ANXA8: variants seen among roughly 807,000 people sequenced by gnomAD.
ANXA8 encodes annexin A8.
A neutral mutation model predicts 26.8 loss-of-function variants in ANXA8; 9 were observed. The observed-to-expected ratio is 0.34, with a 90% CI of 0.20 to 0.59. The LOEUF is 0.59. Ranked by LOEUF, ANXA8 falls within the 20% of genes least tolerant of loss-of-function variation. The probability of loss-of-function intolerance (pLI) is 0.84; values close to 1 mark genes in which losing one functional copy is unlikely to be tolerated. For missense variants in ANXA8, 83 were observed against 238.5 expected (o/e 0.35, Z 4.29); for synonymous variants, 39 against 94.8 (o/e 0.41, Z 3.42).
At chr10:47,693,075 T>C in the ANXA8 span, among the ~76,000 whole-genome samples, 2 of 151,738 alleles carry the variant, frequency 1.3e-5, no homozygotes, top group African/African-American at 4.8e-5. Context: ...TTGTGTTACG[T>C]GTTCTTTGTT....
chr10:47,521,256 C>G, the ANXA8 span, among the ~76,000 whole-genome samples: 1 of 136,212 alleles, frequency 7.3e-6, no homozygotes. Context: ...TACCCATCTA[C>G]TAACTGGTGT....
At chr10:47,528,337 C>T in the ANXA8 span, among the ~76,000 whole-genome samples, 6 of 139,054 alleles carry the variant, frequency 4.3e-5, 2 homozygotes, top group African/African-American at 1.6e-4. Flanking sequence ...TCTCGGCCTC[C>T]CAAAGTCTGG....
At chr10:47,974,193 C>T in the ANXA8 span, among the ~76,000 whole-genome samples, 1 of 150,166 alleles carries the variant, frequency 6.7e-6, no homozygotes, top group Non-Finnish European at 1.5e-5. Flanking sequence ...ATTTAGGTGA[C>T]TTAGTCTGCT....
At position 47,484,001 on chromosome 10, in the gene ANXA8, C is replaced by A. The variant is rs2132439392; in HGVS notation, c.-68G>T. 6.2e-7 allele frequency: 1 copy of A among 1,611,654 alleles called. No individual in the cohort carries two copies. The highest frequency in any genetic ancestry group is 2.2e-5 in the East Asian group (1 of 44,876). ...CACAGGTTGGCCTCTGCTGGGACTC[C>A]ACACGTCTGGCTCCTGCAGCTGAGG... On this transcript the variant is annotated 5_prime_UTR_variant, in exon 1 of 12. Transcript: ENST00000585281.
the ANXA8 span, chr10:47,590,240 G>A: frequency 6.8e-6 from 1 of 146,418 alleles, no homozygotes; most frequent in East Asian, 1.9e-4. Context: ...AGGGTGAAGT[G>A]CCAATCCTTT....
At chr10:47,625,862 G>T in the ANXA8 span, among the ~76,000 whole-genome samples, 17 of 150,792 alleles carry the variant, frequency 1.1e-4, no homozygotes, top group Admixed American at 2.0e-4. Flanking sequence ...TCTTTTGACC[G>T]ACATCTCTGC....
the ANXA8 span, among the ~76,000 whole-genome samples, chr10:47,692,891 T>C: frequency 1.6e-3 from 237 of 150,698 alleles, 1 homozygote; most frequent in Admixed American, 2.4e-3. Flanking sequence ...CAAGCCACCA[T>C]GCCTGGCTAA....
At chr10:47,667,623 C>A in the ANXA8 span, among the ~76,000 whole-genome samples, 69 of 152,006 alleles carry the variant, frequency 4.5e-4, 1 homozygote, top group African/African-American at 1.6e-3. Flanking sequence ...GATCTTGGCG[C>A]ACTGCAACAA....
chr10:47,673,628 T>C, the ANXA8 span, among the ~76,000 whole-genome samples: 1 of 151,770 alleles, frequency 6.6e-6, no homozygotes, highest in Non-Finnish European at 1.5e-5. Flanking sequence ...ACCGTGGCGC[T>C]TAATGCAGAG....
At chr10:47,745,221 T>TCC in the ANXA8 span, among the ~76,000 whole-genome samples, 1 of 148,026 alleles carries the variant, frequency 6.8e-6, no homozygotes, top group Non-Finnish European at 1.5e-5. Context: ...TACTTCGAGG[T>TCC]CCCCTTCTAC....
the ANXA8 span, among the ~76,000 whole-genome samples, chr10:47,755,550 C>G: frequency 2.2e-5 from 3 of 138,656 alleles, no homozygotes; most frequent in Non-Finnish European, 4.6e-5. Context: ...CCACCGTGCC[C>G]GGCCCTTTTT....
chr10:47,899,119 C>T, the ANXA8 span, among the ~76,000 whole-genome samples: 889 of 150,930 alleles, frequency 5.9e-3, 1 homozygote, highest in African/African-American at 0.02. Flanking sequence ...ATTACAGGCA[C>T]GAGCCATTGT....
chr10:47,685,759 T>C, the ANXA8 span, among the ~76,000 whole-genome samples: 2 of 148,500 alleles, frequency 1.3e-5, no homozygotes, highest in East Asian at 3.9e-4. Flanking sequence ...TAGGAAAGAG[T>C]AATGTTCTAG....
chr10:47,946,453 G>A, the ANXA8 span, among the ~76,000 whole-genome samples: 1 of 150,462 alleles, frequency 6.6e-6, no homozygotes, highest in East Asian at 2.1e-4. Context: ...CCAACATCAA[G>A]GCCAGAGCCT....
At chr10:47,667,436 A>G in the ANXA8 span, among the ~76,000 whole-genome samples, 196 of 152,010 alleles carry the variant, frequency 1.3e-3, 1 homozygote, top group Admixed American at 3.7e-3. Flanking sequence ...CTTGTAAATG[A>G]TACGCTTTAA....
chr10:47,777,140 G>T, the ANXA8 span, among the ~76,000 whole-genome samples: 1 of 151,694 alleles, frequency 6.6e-6, no homozygotes, highest in Non-Finnish European at 1.5e-5. Flanking sequence ...CATAGGAGAT[G>T]AGTGTGATCG....
chr10:47,618,393 A>G, the ANXA8 span, among the ~76,000 whole-genome samples: 3 of 111,742 alleles, frequency 2.7e-5, 1 homozygote, highest in Middle Eastern at 4.5e-3. Context: ...TAAATTACAT[A>G]TGAAAATTCT....
chr10:47,534,676 C>T, the ANXA8 span, among the ~76,000 whole-genome samples: 39 of 109,702 alleles, frequency 3.6e-4, 3 homozygotes, highest in African/African-American at 5.0e-4. Context: ...TTTTTTGAGA[C>T]GGAGTTTTGC....
the ANXA8 span, among the ~76,000 whole-genome samples, chr10:47,685,543 T>C: frequency 6.6e-6 from 1 of 151,846 alleles, no homozygotes; most frequent in Non-Finnish European, 1.5e-5. Flanking sequence ...TTGATTCTAC[T>C]GTGATCCTAT....
Sources: gnomAD v4.1 joint callset for allele counts (sites outside exome capture counted in the v4.1 genomes callset) on GRCh38, gnomAD v4.1.1 for gene constraint, MANE v1.5 for transcripts, NCBI Gene and HGNC (gene_info 2026-07-23, HGNC 2026-07-21) for gene names.